The following SLC44A3 variants were observed in gnomAD, a reference collection of about 807,000 sequenced individuals.
The protein encoded by SLC44A3 is solute carrier family 44 member 3, also known as choline transporter-like protein 3.
Under a neutral mutation model 75.4 loss-of-function variants are expected in SLC44A3, and 74 were observed. The ratio of observed to expected loss-of-function variants is 0.98; its 90% CI spans 0.81 to 1.19. The LOEUF (loss-of-function observed/expected upper bound fraction) is 1.19. SLC44A3 is among the 50% of genes most tolerant of loss of function. The pLI, the probability that SLC44A3 is intolerant of heterozygous loss-of-function variation, is 0.00. For missense variants in SLC44A3, 700 were observed against 778.6 expected (o/e 0.90, Z 1.20); for synonymous variants, 310 against 296.9 (o/e 1.04, Z -0.45).
intron 12 of SLC44A3, among the ~76,000 whole-genome samples, chr1:94,875,275 G>A (rs1571400500): frequency 6.6e-6 from 1 of 152,206 alleles, no homozygotes; most frequent in Non-Finnish European, 1.5e-5. Flanking sequence ...CAAAGCCAGG[G>A]AAATCAAGAC....
Position 94,840,053 on chromosome 1 carries a change from C to T in SLC44A3, c.760+16C>T. 1 of 1,591,566 alleles carries T rather than the reference C, an allele frequency of 6.3e-7. No individual in the cohort carries two copies. Among genetic ancestry groups the T allele is most frequent in the Non-Finnish European group, 8.6e-7 (1 of 1,159,680 alleles). ...GGATTGTTGTGTAAGTATTTCTCTA[C>T]TTGACTGATTTCTTTTCGATTAAAT... On this transcript the variant is annotated intron_variant, in intron 7 of 14. Coordinates refer to ENST00000271227, the MANE Select transcript of SLC44A3 (RefSeq NM_001114106.3).
intron 5 of SLC44A3, among the ~76,000 whole-genome samples, chr1:94,835,754 C>T (rs183005683): frequency 3.5e-4 from 53 of 152,262 alleles, no homozygotes; most frequent in African/African-American, 1.3e-3. Context: ...CCGCAAATTC[C>T]ATTTAAACTT....
intron 9 of SLC44A3, among the ~76,000 whole-genome samples, chr1:94,846,372 C>T (rs10874895): frequency 3.3e-5 from 5 of 151,924 alleles, no homozygotes; most frequent in African/African-American, 9.7e-5. Context: ...ACGTGGTTTG[C>T]GGTGGGACCT....
rs184419466 is a variant in SLC44A3, at chr1:94,824,711, T to C, written c.278+76T>C. The C allele has an allele frequency of 5.2e-4, 765 of 1,464,452 alleles. 8 individuals carry two copies. In the Admixed American group the frequency reaches 0.015, roughly 29 times the overall value. The allele number at this position is 1,464,452 out of a possible 1,614,324, so 90.7% of individuals were successfully genotyped here. Reference sequence around the variant, plus strand: ...TTGTATAAATTCATCATTTGGAGCCTGGAAACTTTTCCCATTCAAAACTCT... The same window carrying C: ...TTGTATAAATTCATCATTTGGAGCCCGGAAACTTTTCCCATTCAAAACTCT... On this transcript the variant is annotated intron_variant, in intron 3 of 14. Coordinates refer to ENST00000271227, the MANE Select transcript of SLC44A3 (RefSeq NM_001114106.3).
chr1:94,832,103 G>A (rs1457088198), intron 5 of SLC44A3, among the ~76,000 whole-genome samples: 1 of 152,136 alleles, frequency 6.6e-6, no homozygotes, highest in Non-Finnish European at 1.5e-5. Flanking sequence ...GGGAGGTGGA[G>A]GTTGCAGTGA....
chr1:94,851,939 TGCTTTAAA>T (rs1420130589), intron 9 of SLC44A3, among the ~76,000 whole-genome samples: 22 of 152,256 alleles, frequency 1.4e-4, no homozygotes, highest in Admixed American at 1.4e-3. Context: ...TCTTTTGAAA[TGCTTTAAA>T]GCTTGCTAAT....
At position 94,894,947 on chromosome 1, in the gene SLC44A3, G is replaced by C. The variant is rs1387061065; in HGVS notation, c.*25G>C. The C allele has an allele frequency of 6.4e-7, 1 of 1,559,504 alleles. No individual in the cohort carries two copies. Among genetic ancestry groups the C allele is most frequent in the African/African-American group, 1.4e-5 (1 of 72,884 alleles). On this transcript the variant is annotated 3_prime_UTR_variant, in exon 15 of 15. Transcript: ENST00000271227. Reference sequence around the variant, plus strand: ...GATACCCATTTAGGTATCTGTACCTGGAAAACATTTCCTTCTAAGAGCCAT... The same window carrying C: ...GATACCCATTTAGGTATCTGTACCTCGAAAACATTTCCTTCTAAGAGCCAT...
chr1:94,872,025 T>G (rs1458540669), intron 12 of SLC44A3, among the ~76,000 whole-genome samples: 1 of 152,254 alleles, frequency 6.6e-6, no homozygotes, highest in Non-Finnish European at 1.5e-5. Flanking sequence ...AGTGTTGCCT[T>G]GAGTTGACTG....
intron 5 of SLC44A3, among the ~76,000 whole-genome samples, chr1:94,830,191 A>G (rs1571177887): frequency 6.6e-6 from 1 of 152,274 alleles, no homozygotes; most frequent in East Asian, 1.9e-4. Flanking sequence ...TTTGCTGAGG[A>G]GAATACCCAT....
rs747073889 is a variant in SLC44A3, at chr1:94,824,523, G to A, written c.166G>A (p.Gly56Arg). 18 of 1,610,088 alleles carry A rather than the reference G, an allele frequency of 1.1e-5. No homozygotes were observed. The South Asian group carries it at 2.0e-4, about 18-fold the overall frequency. Residue 56 changes from glycine to arginine, a missense_variant, in exon 3 of 15, where the codon GGA (glycine) becomes AGA (arginine). Gly to Arg is a moderately radical substitution (Grantham distance 125). Coordinates refer to ENST00000271227, the MANE Select transcript of SLC44A3 (RefSeq NM_001114106.3). ...VFIMGYSVVA[G>R]AAGRLLFGYD... ...TATCATGGGCTACTCGGTGGTGGCT[G>A]GAGCCGCGGGAAGACTCCTCTTTGG...
chr1:94,872,867 GCTCATTT>G (rs1667912849), intron 12 of SLC44A3, among the ~76,000 whole-genome samples: 1 of 152,158 alleles, frequency 6.6e-6, no homozygotes, highest in Non-Finnish European at 1.5e-5. Context: ...AAAATGACAG[GCTCATTT>G]CTCTTCATGA....
At chr1:94,836,953 A>C (rs948532323) in intron 5 of SLC44A3, 5 of 151,922 alleles carry the variant, frequency 3.3e-5, no homozygotes, top group African/African-American at 7.3e-5. Context: ...CCCCATAAAT[A>C]AAATGTAGTA....
chr1:94,884,807 A>G (rs1192632200), intron 12 of SLC44A3, among the ~76,000 whole-genome samples: 3 of 147,744 alleles, frequency 2.0e-5, no homozygotes, highest in Non-Finnish European at 4.6e-5. Flanking sequence ...TTTCAGGAGT[A>G]AAAAAACGCT....
intron 2 of SLC44A3, among the ~76,000 whole-genome samples, chr1:94,821,294 T>G (rs961287968): frequency 6.6e-6 from 1 of 152,204 alleles, no homozygotes; most frequent in Non-Finnish European, 1.5e-5. Context: ...ATTAACAGTT[T>G]GCAATGTGAT....
intron 5 of SLC44A3, chr1:94,836,720 G>C (rs1027233212): frequency 6.6e-6 from 1 of 152,060 alleles, no homozygotes; most frequent in Non-Finnish European, 1.5e-5. Flanking sequence ...TGCCCAGCCT[G>C]GGCAACATGG....
At chr1:94,862,821 C>T (rs1666734068) in intron 10 of SLC44A3, among the ~76,000 whole-genome samples, 2 of 152,204 alleles carry the variant, frequency 1.3e-5, no homozygotes, top group South Asian at 4.1e-4. Context: ...ATGCTCAACA[C>T]TGGAATGTTG....
At chr1:94,834,770 C>G (rs1239683453) in intron 5 of SLC44A3, among the ~76,000 whole-genome samples, 1 of 152,206 alleles carries the variant, frequency 6.6e-6, no homozygotes, top group Non-Finnish European at 1.5e-5. Flanking sequence ...CAGGCATGAG[C>G]CACTGCTCCC....
chr1:94,842,873 C>T (rs1369651418), intron 8 of SLC44A3, among the ~76,000 whole-genome samples: 1 of 152,240 alleles, frequency 6.6e-6, no homozygotes, highest in Non-Finnish European at 1.5e-5. Flanking sequence ...AAAATTCTCT[C>T]ATAGGAAATC....
chr1:94,890,719 C>A (rs761163012), intron 12 of SLC44A3, among the ~76,000 whole-genome samples: 1 of 152,128 alleles, frequency 6.6e-6, no homozygotes, highest in Non-Finnish European at 1.5e-5. Context: ...TGGTGGCTCT[C>A]GCCTGTAATC....
Sources: allele counts gnomAD v4.1 joint callset (sites outside exome capture counted in the v4.1 genomes callset), GRCh38; gene constraint gnomAD v4.1.1; transcripts MANE v1.5; gene names NCBI Gene and HGNC (gene_info 2026-07-23, HGNC 2026-07-21).